GMPR: variants seen among roughly 807,000 people sequenced by gnomAD.
The protein encoded by GMPR is GMP reductase 1.
Under a neutral mutation model 38.4 loss-of-function variants are expected in GMPR, and 31 were observed. The ratio of observed to expected loss-of-function variants is 0.81; its 90% CI spans 0.61 to 1.09. The LOEUF is 1.09. Among genes scored for constraint, GMPR ranks in the 50% least tolerant of loss-of-function variants. GMPR has a pLI of 0.00. For synonymous variants in GMPR, 162 were observed against 173.3 expected (o/e 0.93, Z 0.51); for missense variants, 468 against 453.7 (o/e 1.03, Z -0.29).
chr6:16,243,325 C>T (rs531548163), intron 1 of GMPR, among the ~76,000 whole-genome samples: 1 of 152,272 alleles, frequency 6.6e-6, no homozygotes, highest in Non-Finnish European at 1.5e-5. Context: ...GCCTCTGAAG[C>T]CCTTTCCATT....
chr6:16,288,045 G>A (rs1037628764), intron 7 of GMPR, among the ~76,000 whole-genome samples: 4 of 152,182 alleles, frequency 2.6e-5, no homozygotes, highest in Non-Finnish European at 5.9e-5. Flanking sequence ...CTGTTCTAAA[G>A]GTAAACCCTC....
chr6:16,238,673 G>C lies in GMPR; in HGVS notation c.-21G>C. The C allele has an allele frequency of 7.9e-7, 1 of 1,271,688 alleles. No homozygotes were observed. Among genetic ancestry groups the C allele is most frequent in the African/African-American group, 1.6e-5 (1 of 64,376 alleles). The allele number at this position is 1,271,688 out of a possible 1,614,324, so 78.8% of individuals were successfully genotyped here. On this transcript the variant is annotated 5_prime_UTR_variant, in exon 1 of 9. Coordinates refer to ENST00000259727, the MANE Select transcript of GMPR (RefSeq NM_006877.4). Reference sequence around the variant, plus strand: ...CCCCCGCCCCGCCGTCGCCGCCGCCGCAGCCAGGAGCCGCTGCACCATGCC... The same window carrying C: ...CCCCCGCCCCGCCGTCGCCGCCGCCCCAGCCAGGAGCCGCTGCACCATGCC...
At chr6:16,260,534 G>C (rs1399624988) in intron 4 of GMPR, among the ~76,000 whole-genome samples, 1 of 152,114 alleles carries the variant, frequency 6.6e-6, no homozygotes, top group East Asian at 1.9e-4. Flanking sequence ...GCAAATCCTC[G>C]AGCTTGATGT....
At chr6:16,248,488 A>G (rs758669381) in intron 2 of GMPR, among the ~76,000 whole-genome samples, 1 of 151,740 alleles carries the variant, frequency 6.6e-6, no homozygotes, top group East Asian at 1.9e-4. Flanking sequence ...GATAAATCCA[A>G]TTAGTTGAGA....
At chr6:16,258,496 T>G (rs1759021923) in intron 4 of GMPR, among the ~76,000 whole-genome samples, 1 of 152,188 alleles carries the variant, frequency 6.6e-6, no homozygotes, top group African/African-American at 2.4e-5. Flanking sequence ...GGGAGTTTAC[T>G]GGGAGGGAGG....
At chr6:16,251,760 A>AT (rs1329381157) in intron 3 of GMPR, among the ~76,000 whole-genome samples, 1 of 152,180 alleles carries the variant, frequency 6.6e-6, no homozygotes, top group Non-Finnish European at 1.5e-5. Flanking sequence ...AAAATCTATC[A>AT]TGATGGTTAC....
intron 4 of GMPR, among the ~76,000 whole-genome samples, chr6:16,265,863 T>C (rs1257402639): frequency 6.6e-6 from 1 of 152,236 alleles, no homozygotes; most frequent in African/African-American, 2.4e-5. Context: ...GCTCGCTCTT[T>C]GGGTCCACGC....
chr6:16,294,974 T>C (rs1323200218), intron 8 of GMPR, 32 bp from the exon 9 acceptor site: 2 of 1,566,732 alleles, frequency 1.3e-6, no homozygotes, highest in Non-Finnish European at 1.7e-6. Flanking sequence ...GGCGGGAAAC[T>C]AGATAAAAAG....
chr6:16,295,475 CCTTT>C lies in GMPR; in HGVS notation c.*294_*297del, dbSNP rs1358442507. ...CTTTCTCTTTTTCTCTTTCTCTCTC[CCTTT>C]CTTTGTTTTTCTTTCTTTTTTAAAA... On this transcript the variant is annotated 3_prime_UTR_variant, in exon 9 of 9. Coordinates refer to ENST00000259727, the MANE Select transcript of GMPR (RefSeq NM_006877.4). 104 of 309,890 alleles carry C rather than the reference CCTTT, an allele frequency of 3.4e-4. No homozygotes were observed. The highest frequency in any genetic ancestry group is 9.9e-4 in the East Asian group (19 of 19,182). The allele number at this position is 309,890 out of a possible 1,614,324, so 19.2% of individuals were successfully genotyped here.
intron 6 of GMPR, among the ~76,000 whole-genome samples, chr6:16,283,522 T>G (rs1165892573): frequency 1.3e-5 from 2 of 152,248 alleles, no homozygotes; most frequent in African/African-American, 4.8e-5. Flanking sequence ...AGTTGTTTGG[T>G]CTACGCTGAC....
At chr6:16,249,619 G>C (rs1758828308) in intron 2 of GMPR, among the ~76,000 whole-genome samples, 1 of 152,142 alleles carries the variant, frequency 6.6e-6, no homozygotes, top group Admixed American at 6.5e-5. Context: ...CACCATGCCT[G>C]GGCAACTTAA....
intron 1 of GMPR, among the ~76,000 whole-genome samples, chr6:16,240,596 A>G (rs557051948): frequency 2.0e-5 from 3 of 152,356 alleles, no homozygotes; most frequent in Admixed American, 2.0e-4. Context: ...TGATGGTGCC[A>G]CTGCACTTCA....
intron 3 of GMPR, among the ~76,000 whole-genome samples, chr6:16,250,808 G>A (rs2113672264): frequency 6.6e-6 from 1 of 152,212 alleles, no homozygotes; most frequent in Admixed American, 6.5e-5. Context: ...TTGGGAGGCT[G>A]AGGTGGGAGG....
chr6:16,242,568 C>T (rs958715721), intron 1 of GMPR, among the ~76,000 whole-genome samples: 2 of 152,194 alleles, frequency 1.3e-5, no homozygotes, highest in Non-Finnish European at 2.9e-5. Context: ...TCCCCAATCT[C>T]TGCCTTCATC....
intron 4 of GMPR, among the ~76,000 whole-genome samples, chr6:16,266,079 C>T (rs1002303873): frequency 6.0e-5 from 9 of 151,240 alleles, no homozygotes; most frequent in Admixed American, 2.6e-4. Context: ...CAACTCCCGA[C>T]GGGCTACCTT....
chr6:16,245,581 G>A (rs1355389410), intron 1 of GMPR, among the ~76,000 whole-genome samples: 1 of 152,226 alleles, frequency 6.6e-6, no homozygotes, highest in Non-Finnish European at 1.5e-5. Context: ...TCCCCTTGGG[G>A]AAGCACCCAC....
intron 4 of GMPR, among the ~76,000 whole-genome samples, chr6:16,266,844 C>T (rs1232450265): frequency 6.6e-6 from 1 of 151,888 alleles, no homozygotes; most frequent in Non-Finnish European, 1.5e-5. Context: ...GTCGTGGCTT[C>T]ACTCCTGAAG....
intron 4 of GMPR, among the ~76,000 whole-genome samples, chr6:16,259,985 T>A (rs199981811): frequency 0.046 from 6,779 of 146,582 alleles, 194 homozygotes; most frequent in East Asian, 0.14. Context: ...CAGAAGATAG[T>A]AGGGATGACA....
chr6:16,279,482 A>T (rs1314210696), intron 6 of GMPR, among the ~76,000 whole-genome samples: 1 of 152,172 alleles, frequency 6.6e-6, no homozygotes, highest in Non-Finnish European at 1.5e-5. Flanking sequence ...CTGTTTCCAA[A>T]TAAGGTCACA....
Sources: gnomAD v4.1 joint callset for allele counts (sites outside exome capture counted in the v4.1 genomes callset) on GRCh38, gnomAD v4.1.1 for gene constraint, MANE v1.5 for transcripts, NCBI Gene and HGNC (gene_info 2026-07-23, HGNC 2026-07-21) for gene names.